The following B3GALT1 variants were observed in gnomAD, a reference collection of about 807,000 sequenced individuals.
B3GALT1 encodes the protein beta-1,3-galactosyltransferase 1.
Under a neutral mutation model 23.2 loss-of-function variants are expected in B3GALT1, and 10 were observed. That is an observed-to-expected ratio of 0.43 (90% CI 0.27 to 0.73). The LOEUF (loss-of-function observed/expected upper bound fraction) is 0.73, where lower values mean the gene tolerates loss of function less well. Among genes scored for constraint, B3GALT1 ranks in the 30% least tolerant of loss-of-function variants. The pLI, the probability that B3GALT1 is intolerant of heterozygous loss-of-function variation, is 0.21. For synonymous variants in B3GALT1, 156 were observed against 141.5 expected (o/e 1.10, Z -0.73); for missense variants, 299 against 405.4 (o/e 0.74, Z 2.25).
intron 1 of B3GALT1, among the ~76,000 whole-genome samples, chr2:167,474,833 G>A (rs2105332884): frequency 6.6e-6 from 1 of 152,262 alleles, no homozygotes; most frequent in African/African-American, 2.4e-5. Flanking sequence ...TCAAGGTGTA[G>A]TTTGCTCTCC....
intron 1 of B3GALT1, among the ~76,000 whole-genome samples, chr2:167,370,368 C>T (rs1697663284): frequency 8.8e-6 from 1 of 114,006 alleles, no homozygotes; most frequent in Admixed American, 1.1e-4. Context: ...ATGACAGAAC[C>T]AAGAGTTTCT....
At chr2:167,359,193 A>T (rs894121449) in intron 1 of B3GALT1, among the ~76,000 whole-genome samples, 3 of 151,546 alleles carry the variant, frequency 2.0e-5, no homozygotes, top group Admixed American at 6.6e-5. Context: ...TTGTAAATTT[A>T]AAAAAAAAGC....
intron 2 of B3GALT1, among the ~76,000 whole-genome samples, chr2:167,512,947 T>G (rs1048955663): frequency 2.0e-5 from 3 of 148,472 alleles, no homozygotes; most frequent in Non-Finnish European, 4.5e-5. Context: ...CCAGCCTATA[T>G]TTTATATTTA....
intron 1 of B3GALT1, among the ~76,000 whole-genome samples, chr2:167,441,837 A>G (rs75688398): frequency 0.017 from 2,632 of 151,714 alleles, 83 homozygotes; most frequent in African/African-American, 0.061. Flanking sequence ...AGCCCAGGCC[A>G]GACAGCATAG....
chr2:167,571,071 T>C (rs554586213), intron 2 of B3GALT1, among the ~76,000 whole-genome samples: 111 of 152,104 alleles, frequency 7.3e-4, no homozygotes, highest in South Asian at 3.1e-3. Context: ...GGAGATTCTA[T>C]CTTCAAGAAA....
intron 2 of B3GALT1, among the ~76,000 whole-genome samples, chr2:167,513,817 C>CA (rs2105356628): frequency 6.6e-6 from 1 of 152,162 alleles, no homozygotes; most frequent in South Asian, 2.1e-4. Context: ...TACAGATGTA[C>CA]ACTCTTCAGT....
intron 1 of B3GALT1, among the ~76,000 whole-genome samples, chr2:167,334,107 A>G (rs1421333137): frequency 1.3e-5 from 2 of 152,186 alleles, no homozygotes; most frequent in Non-Finnish European, 2.9e-5. Context: ...GATCCTATAT[A>G]TATATTGGAT....
chr2:167,394,869 C>T (rs956708329), intron 1 of B3GALT1, among the ~76,000 whole-genome samples: 3 of 152,150 alleles, frequency 2.0e-5, no homozygotes, highest in African/African-American at 4.8e-5. Flanking sequence ...TTTCTGTCTT[C>T]CTCCCTTTGG....
chr2:167,740,255 G>A (rs1687559236), intron 3 of B3GALT1, among the ~76,000 whole-genome samples: 1 of 152,064 alleles, frequency 6.6e-6, no homozygotes, highest in African/African-American at 2.4e-5. Flanking sequence ...TTACAACAGT[G>A]AAGGTAGATG....
At chr2:167,354,449 C>T (rs890199053) in intron 1 of B3GALT1, among the ~76,000 whole-genome samples, 4 of 150,858 alleles carry the variant, frequency 2.7e-5, no homozygotes, top group Admixed American at 6.6e-5. Context: ...TGGGTTCAAG[C>T]GATTCTCCTG....
At chr2:167,452,389 C>A (rs1448057443) in intron 1 of B3GALT1, among the ~76,000 whole-genome samples, 1 of 152,152 alleles carries the variant, frequency 6.6e-6, no homozygotes, top group East Asian at 1.9e-4. Context: ...CTTCTTCTAT[C>A]CCTGTATTTC....
chr2:167,825,455 T>TGC (rs1558992415), intron 4 of B3GALT1, among the ~76,000 whole-genome samples: 1 of 146,724 alleles, frequency 6.8e-6, no homozygotes, highest in Non-Finnish European at 1.5e-5. Flanking sequence ...TGTGTGTGTG[T>TGC]GCGTGCACGT....
At chr2:167,790,762 C>A (rs559235255) in intron 3 of B3GALT1, among the ~76,000 whole-genome samples, 1 of 152,160 alleles carries the variant, frequency 6.6e-6, no homozygotes, top group Non-Finnish European at 1.5e-5. Flanking sequence ...ATCAAAACCT[C>A]TTCCTCCTTT....
chr2:167,442,912 G>T (rs1698918441), intron 1 of B3GALT1, among the ~76,000 whole-genome samples: 1 of 144,852 alleles, frequency 6.9e-6, no homozygotes, highest in Admixed American at 6.9e-5. Context: ...GGCTTTTGTT[G>T]CCATTGCTTT....
At chr2:167,658,789 A>G (rs1033861117) in intron 3 of B3GALT1, among the ~76,000 whole-genome samples, 1 of 152,234 alleles carries the variant, frequency 6.6e-6, no homozygotes, top group East Asian at 1.9e-4. Context: ...TATAGTGTAC[A>G]ATATGACATA....
At chr2:167,725,355 G>A (rs936113925) in intron 3 of B3GALT1, among the ~76,000 whole-genome samples, 1 of 152,118 alleles carries the variant, frequency 6.6e-6, no homozygotes, top group Non-Finnish European at 1.5e-5. Context: ...TATATATTTT[G>A]TGTGTGGTCC....
intron 2 of B3GALT1, among the ~76,000 whole-genome samples, chr2:167,564,914 G>A (rs1189831680): frequency 1.3e-5 from 2 of 152,190 alleles, no homozygotes; most frequent in East Asian, 1.9e-4. Context: ...TCAATATCAT[G>A]AAAATGGCCA....
At chr2:167,479,527 T>C (rs1188464587) in intron 1 of B3GALT1, among the ~76,000 whole-genome samples, 1 of 152,132 alleles carries the variant, frequency 6.6e-6, no homozygotes, top group Non-Finnish European at 1.5e-5. Flanking sequence ...GAGATGGAAA[T>C]GTAACAAGAT....
intron 3 of B3GALT1, among the ~76,000 whole-genome samples, chr2:167,661,082 C>T (rs529866759): frequency 7.2e-5 from 11 of 152,204 alleles, no homozygotes; most frequent in South Asian, 4.1e-4. Context: ...CGTTGTGCAA[C>T]GGAGCTTAAA....
Sources: allele counts gnomAD v4.1 joint callset (sites outside exome capture counted in the v4.1 genomes callset), GRCh38; gene constraint gnomAD v4.1.1; transcripts MANE v1.5; gene names NCBI Gene and HGNC (gene_info 2026-07-23, HGNC 2026-07-21).